PCDHGA10: variants seen among roughly 807,000 people sequenced by gnomAD.
PCDHGA10 encodes protocadherin gamma subfamily A, 10, also known as protocadherin gamma-A10.
A neutral mutation model predicts 59.5 loss-of-function variants in PCDHGA10; 42 were observed. That is an observed-to-expected ratio of 0.71 (90% CI 0.55 to 0.91). PCDHGA10 has a LOEUF of 0.91. Among genes scored for constraint, PCDHGA10 ranks in the 40% least tolerant of loss-of-function variants. The probability of loss-of-function intolerance (pLI) is 0.00; values close to 1 mark genes in which losing one functional copy is unlikely to be tolerated. For synonymous variants in PCDHGA10, 511 were observed against 517.2 expected, an observed-to-expected ratio of 0.99 and a Z score of 0.16; for missense variants, 1,111 against 1,198.2, an observed-to-expected ratio of 0.93 and a Z score of 1.07.
At chr5:141,510,627 G>C (rs2099881988) in intron 3 of PCDHGA10, among the ~76,000 whole-genome samples, 2 of 152,090 alleles carry the variant, frequency 1.3e-5, no homozygotes, top group South Asian at 2.1e-4. Context: ...AACCAGAAGA[G>C]GTGGTTACCA....
At chr5:141,421,774 C>G (rs767599830) in intron 1 of PCDHGA10, 27 of 1,613,772 alleles carry the variant, frequency 1.7e-5, no homozygotes, top group Middle Eastern at 1.6e-4. Context: ...TTCCTTGCAA[C>G]TGCGGGGCAG....
intron 1 of PCDHGA10, among the ~76,000 whole-genome samples, chr5:141,457,863 C>A (rs2098930968): frequency 6.6e-6 from 1 of 152,194 alleles, no homozygotes; most frequent in Non-Finnish European, 1.5e-5. Flanking sequence ...TCTTCACTGA[C>A]CACAGGTTAG....
At chr5:141,478,816 A>G in intron 1 of PCDHGA10, 1 of 1,450,826 alleles carries the variant, frequency 6.9e-7, no homozygotes, top group Non-Finnish European at 9.1e-7. Context: ...TATCACAACT[A>G]ACCAATCTTG....
At chr5:141,498,372 C>A (rs1008996197) in intron 2 of PCDHGA10, among the ~76,000 whole-genome samples, 3 of 151,730 alleles carry the variant, frequency 2.0e-5, no homozygotes, top group Admixed American at 1.3e-4. Flanking sequence ...GTGGTGAGGC[C>A]TCCTGGGATC....
intron 1 of PCDHGA10, among the ~76,000 whole-genome samples, chr5:141,472,677 C>T (rs1275941416): frequency 6.6e-6 from 1 of 151,658 alleles, no homozygotes; most frequent in Non-Finnish European, 1.5e-5. Context: ...ACTGGTCCTT[C>T]CATTTCCCCT....
rs192741775 is a variant in PCDHGA10, at chr5:141,428,173, C to A, written c.2436+12562C>A. The A allele has an allele frequency of 3.2e-4, 487 of 1,514,722 alleles. 1 individual carries two copies. In the Middle Eastern group the frequency reaches 7.1e-3, roughly 22 times the overall value. The allele number at this position is 1,514,722 out of a possible 1,614,324, so 93.8% of individuals were successfully genotyped here. On this transcript the variant is annotated intron_variant, in intron 1 of 3. Transcript: ENST00000398610. The stretch of plus-strand genomic sequence containing the variant: ...GGAACCTGCTGGTTGCTGTGCGTGA[C>A]GGAGGACAGCCGCCGCTCTCTGCGC...
chr5:141,431,879 C>T lies in PCDHGA10; in HGVS notation c.2436+16268C>T. 1 of 1,614,162 alleles carries T rather than the reference C, an allele frequency of 6.2e-7. No individual in the cohort carries two copies. The highest frequency in any genetic ancestry group is 8.5e-7 in the Non-Finnish European group (1 of 1,179,970). ...AATTGCCCTTTTAAATGTAAATGAC[C>T]AAGATTCTGAGGAAAACGGACAGGT... On this transcript the variant is annotated intron_variant, in intron 1 of 3. Coordinates refer to ENST00000398610, the MANE Select transcript of PCDHGA10 (RefSeq NM_018913.3). The surrounding 1 kb of genome is among the most constrained non-coding windows in gnomAD (Gnocchi z 4.8).
chr5:141,507,478 C>A (rs933478897), intron 3 of PCDHGA10, among the ~76,000 whole-genome samples: 3 of 152,158 alleles, frequency 2.0e-5, no homozygotes, highest in Non-Finnish European at 4.4e-5. Context: ...GGACTGCTGG[C>A]CTCCTGAGGC....
intron 1 of PCDHGA10, chr5:141,419,932 C>T: frequency 6.2e-7 from 1 of 1,614,090 alleles, no homozygotes; most frequent in Non-Finnish European, 8.5e-7. Flanking sequence ...TGCAGTTTTA[C>T]CTGGTGGTGG....
intron 1 of PCDHGA10, chr5:141,421,154 G>A: frequency 8.7e-7 from 1 of 1,151,318 alleles, no homozygotes; most frequent in South Asian, 1.6e-5. Flanking sequence ...GTCGGCCTAG[G>A]ACTTCATAGA....
rs758125316 is a variant in PCDHGA10, at chr5:141,415,332, G to A, written c.2157G>A (p.Arg719=). 6.2e-7 allele frequency: 1 copy of A among 1,614,214 alleles called. No homozygotes were observed. Among genetic ancestry groups the A allele is most frequent in the South Asian group, 1.1e-5 (1 of 91,086 alleles). The change falls in exon 1 of 4, where the codon AGG becomes AGA. Residue 719 remains arginine (R), a synonymous_variant. Transcript: ENST00000398610. ...TCGTCATCGTGCTGCTGGCGCACAGGCTGCGGCGCTGGCACAAGTCACGCC... is the reference window on the plus strand; with the variant it reads ...TCGTCATCGTGCTGCTGGCGCACAGACTGCGGCGCTGGCACAAGTCACGCC... ...LAFVIVLLAH[R]LRRWHKSRLL... is the part of the protein sequence containing the mutation.
intron 1 of PCDHGA10, among the ~76,000 whole-genome samples, chr5:141,429,664 ATTATT>A (rs2097234085): frequency 6.6e-6 from 1 of 152,214 alleles, no homozygotes; most frequent in Non-Finnish European, 1.5e-5. Context: ...TTTAAAATAT[ATTATT>A]TTATTTTATG....
At chr5:141,450,831 T>TA (rs761717068) in intron 1 of PCDHGA10, among the ~76,000 whole-genome samples, 7,796 of 144,584 alleles carry the variant, frequency 0.054, 354 homozygotes, top group African/African-American at 0.12. Context: ...TTATTATTAT[T>TA]TTTTTTTTTT....
intron 1 of PCDHGA10, among the ~76,000 whole-genome samples, chr5:141,447,954 CGGACACCTA>C (rs2098556369): frequency 6.6e-6 from 1 of 151,814 alleles, no homozygotes; most frequent in Non-Finnish European, 1.5e-5. Context: ...GGCATGGTGG[CGGACACCTA>C]TAATCCCAGC....
chr5:141,427,146 A>G (rs901147622), intron 1 of PCDHGA10: 10 of 456,872 alleles, frequency 2.2e-5, no homozygotes, highest in Admixed American at 7.0e-5. Context: ...TGATATTGGA[A>G]ATATGTTTGT....
intron 1 of PCDHGA10, among the ~76,000 whole-genome samples, chr5:141,455,201 CAATAAGAGTTTTT>C (rs1373301624): frequency 6.6e-6 from 1 of 151,722 alleles, no homozygotes; most frequent in Non-Finnish European, 1.5e-5. Flanking sequence ...AATTTACAAC[CAATAAGAGTTTTT>C]AATGCTTTGA....
In PCDHGA10 at chr5:141,490,261, G is replaced by T; in HGVS notation, c.2437-4546G>T. 6.2e-7 allele frequency: 1 copy of T among 1,614,218 alleles called. No individual in the cohort carries two copies. Among genetic ancestry groups the T allele is most frequent in the Non-Finnish European group, 8.5e-7 (1 of 1,180,038 alleles). ...CCACTGTGTGATTCAAGTGGATGTG[G>T]GGGATGTCAATGACAATGCCCCAGA... On this transcript the variant is annotated intron_variant, in intron 1 of 3. Coordinates refer to ENST00000398610, the MANE Select transcript of PCDHGA10 (RefSeq NM_018913.3). The surrounding 1 kb of genome is among the most constrained non-coding windows in gnomAD (Gnocchi z 5.4).
chr5:141,473,784 G>A (rs1457988232), intron 1 of PCDHGA10, among the ~76,000 whole-genome samples: 1 of 152,226 alleles, frequency 6.6e-6, no homozygotes, highest in Non-Finnish European at 1.5e-5. Flanking sequence ...TTTAATTCAA[G>A]AGCAGTATGA....
At position 141,486,905 on chromosome 5, in the gene PCDHGA10, C is replaced by G. The variant is rs1463391292; in HGVS notation, c.2437-7902C>G. On this transcript the variant is annotated intron_variant, in intron 1 of 3. Coordinates refer to ENST00000398610, the MANE Select transcript of PCDHGA10 (RefSeq NM_018913.3). This position sits in a 1 kb window ranked among gnomAD's most constrained non-coding sequence, Gnocchi z 5.0. ...GGCCCGGCCTGGTTCCTTATGTCCC[C>G]AAGCACTGCCTCCATCAGTTGGTGC... 1 of 1,614,250 alleles carries G rather than the reference C, an allele frequency of 6.2e-7. No individual in the cohort carries two copies. The highest frequency in any genetic ancestry group is 1.3e-5 in the African/African-American group (1 of 75,066).
Sources: allele counts gnomAD v4.1 joint callset (sites outside exome capture counted in the v4.1 genomes callset), GRCh38; gene constraint gnomAD v4.1.1; non-coding constraint Gnocchi (gnomAD v3.1); transcripts MANE v1.5; gene names NCBI Gene and HGNC (gene_info 2026-07-23, HGNC 2026-07-21).